The following RGS18 variants were observed in gnomAD, a reference collection of about 807,000 sequenced individuals.
RGS18 encodes regulator of G protein signaling 18, also known as regulator of G-protein signaling 18.
A neutral mutation model predicts 27.6 loss-of-function variants in RGS18; 22 were observed. That is an observed-to-expected ratio of 0.80 (90% CI 0.57 to 1.14). RGS18 has a LOEUF of 1.14. Ranked by LOEUF, RGS18 falls within the 50% of genes most tolerant of loss-of-function variation. RGS18 has a pLI of 0.00. For synonymous variants in RGS18, 89 were observed against 84.6 expected, an observed-to-expected ratio of 1.05 and a Z score of -0.29; for missense variants, 299 against 269.6, an observed-to-expected ratio of 1.11 and a Z score of -0.76.
intron 4 of RGS18, among the ~76,000 whole-genome samples, chr1:192,183,560 A>G (rs1268943637): frequency 6.6e-6 from 1 of 151,614 alleles, no homozygotes; most frequent in Non-Finnish European, 1.5e-5. Context: ...CAGGAATTCC[A>G]GGAGAGAAGA....
intron 4 of RGS18, among the ~76,000 whole-genome samples, chr1:192,182,870 C>T (rs74388653): frequency 0.018 from 2,765 of 151,516 alleles, 86 homozygotes; most frequent in African/African-American, 0.062. Flanking sequence ...TCTATTTATA[C>T]GGAGTTTTGT....
intron 2 of RGS18, 29 bp downstream of exon 2, chr1:192,159,350 G>T (rs1348284734): frequency 2.8e-6 from 4 of 1,431,764 alleles, no homozygotes. Context: ...TTTTGAGGAA[G>T]ATTTTGCTGA....
At chr1:192,171,824 T>A (rs1656261181) in intron 3 of RGS18, among the ~76,000 whole-genome samples, 1 of 152,092 alleles carries the variant, frequency 6.6e-6, no homozygotes, top group Non-Finnish European at 1.5e-5. Context: ...TAAATGGTGA[T>A]ACAAAAAGAA....
intron 3 of RGS18, among the ~76,000 whole-genome samples, chr1:192,178,340 G>C (rs1656392391): frequency 6.6e-6 from 1 of 151,608 alleles, no homozygotes; most frequent in East Asian, 1.9e-4. Context: ...TATGAACTTG[G>C]AGCTCAGGAA....
intron 3 of RGS18, among the ~76,000 whole-genome samples, chr1:192,180,447 C>T (rs1225002478): frequency 6.6e-6 from 1 of 151,588 alleles, no homozygotes; most frequent in Non-Finnish European, 1.5e-5. Flanking sequence ...CCCAGACAGT[C>T]TTCCACAAGA....
rs200413117 is a variant in RGS18, at chr1:192,184,380, C to T, written c.534C>T (p.Ser178=). Residue 178 remains serine, a synonymous_variant, in exon 5 of 5, where the codon AGC becomes AGT. Transcript: ENST00000367460. The part of the protein sequence containing the change: ...PTLHSFDAAQ[S]RVYQLMEQDS... ...TCCACAGTTTTGATGCTGCACAAAG[C>T]AGAGTGTATCAGCTCATGGAACAAG... The T allele has an allele frequency of 3.1e-6, 5 of 1,611,738 alleles. No individual in the cohort carries two copies. Among genetic ancestry groups the T allele is most frequent in the Non-Finnish European group, 4.2e-6 (5 of 1,178,616 alleles).
intron 3 of RGS18, among the ~76,000 whole-genome samples, chr1:192,178,107 G>A (rs1262054383): frequency 6.6e-6 from 1 of 151,544 alleles, no homozygotes; most frequent in Non-Finnish European, 1.5e-5. Flanking sequence ...ATATATGAAA[G>A]GGGAATTTTT....
At chr1:192,178,305 A>G (rs1195432680) in intron 3 of RGS18, among the ~76,000 whole-genome samples, 1 of 151,668 alleles carries the variant, frequency 6.6e-6, no homozygotes, top group Admixed American at 6.6e-5. Context: ...GGTCAATTCA[A>G]TGATGTTTTT....
intron 4 of RGS18, among the ~76,000 whole-genome samples, chr1:192,182,058 C>T (rs1250614609): frequency 6.6e-6 from 1 of 151,500 alleles, no homozygotes; most frequent in Non-Finnish European, 1.5e-5. Flanking sequence ...AATAGTGTTC[C>T]ATATGTACCA....
At chr1:192,175,756 C>A (rs550131622) in intron 3 of RGS18, among the ~76,000 whole-genome samples, 52 of 151,954 alleles carry the variant, frequency 3.4e-4, no homozygotes, top group Non-Finnish European at 5.6e-4. Context: ...GCTTCTGGGT[C>A]CCCTTATAAA....
intron 3 of RGS18, among the ~76,000 whole-genome samples, chr1:192,171,295 C>T (rs183179199): frequency 6.6e-6 from 1 of 152,128 alleles, no homozygotes; most frequent in African/African-American, 2.4e-5. Context: ...TCTTGCTTCT[C>T]AGTGGTCAGA....
chr1:192,159,940 A>T (rs1234944686), intron 2 of RGS18, among the ~76,000 whole-genome samples: 1 of 150,142 alleles, frequency 6.7e-6, no homozygotes, highest in Non-Finnish European at 1.5e-5. Context: ...GTATCCGTTT[A>T]AAAAAAAAAT....
At chr1:192,160,976 A>G (rs1158389706) in intron 3 of RGS18, among the ~76,000 whole-genome samples, 1 of 152,106 alleles carries the variant, frequency 6.6e-6, no homozygotes, top group Non-Finnish European at 1.5e-5. Flanking sequence ...CAGCCTCCCG[A>G]GTAGCTGGGA....
At chr1:192,171,928 G>C (rs965934888) in intron 3 of RGS18, among the ~76,000 whole-genome samples, 1 of 152,056 alleles carries the variant, frequency 6.6e-6, no homozygotes, top group Non-Finnish European at 1.5e-5. Context: ...TCTTAAAGTT[G>C]TGTTAGAAGT....
chr1:192,184,674 TA>T lies in RGS18; in HGVS notation c.*125del, dbSNP rs1656515578. On this transcript the variant is annotated 3_prime_UTR_variant, in exon 5 of 5. Coordinates refer to ENST00000367460, the MANE Select transcript of RGS18 (RefSeq NM_130782.3). ...TGAAATATGTCATGTGAAATTATTT[TA>T]AAAATGTAAAAACAAAACTTTCTGC... The T allele has an allele frequency of 5.1e-6, 5 of 982,444 alleles. No individual in the cohort carries two copies. The South Asian group carries it at 8.8e-5, about 17-fold the overall frequency. 60.9% of individuals were successfully genotyped at this position (982,444 alleles called of 1,614,324 possible).
chr1:192,183,201 G>C (rs1656484765), intron 4 of RGS18, among the ~76,000 whole-genome samples: 1 of 151,484 alleles, frequency 6.6e-6, no homozygotes, highest in South Asian at 2.1e-4. Context: ...TATGGACAAG[G>C]GGAAAGAAAG....
chr1:192,160,845 G>T (rs1480561489), intron 3 of RGS18, among the ~76,000 whole-genome samples: 1 of 151,920 alleles, frequency 6.6e-6, no homozygotes, highest in Non-Finnish European at 1.5e-5. Context: ...AGTTTTTTTT[G>T]TTTGTTTGTT....
chr1:192,168,549 G>A (rs1181585486), intron 3 of RGS18: 1 of 152,118 alleles, frequency 6.6e-6, no homozygotes, highest in African/African-American at 2.4e-5. Context: ...GCACAGAGTC[G>A]ACACTCATGC....
intron 3 of RGS18, among the ~76,000 whole-genome samples, chr1:192,166,053 A>G (rs1656157555): frequency 6.6e-6 from 1 of 152,206 alleles, no homozygotes; most frequent in Non-Finnish European, 1.5e-5. Flanking sequence ...GCTTTATAAA[A>G]GTTAATTTTA....
Sources: allele counts gnomAD v4.1 joint callset (sites outside exome capture counted in the v4.1 genomes callset), GRCh38; gene constraint gnomAD v4.1.1; transcripts MANE v1.5; gene names NCBI Gene and HGNC (gene_info 2026-07-23, HGNC 2026-07-21).